The following SLC26A11 variants were observed in gnomAD, a reference collection of about 807,000 sequenced individuals.
SLC26A11 encodes sodium-independent sulfate anion transporter.
SLC26A11 carries 58 observed loss-of-function variants against 62.2 expected under a neutral mutation model. The ratio of observed to expected loss-of-function variants is 0.93; its 90% CI spans 0.76 to 1.16. SLC26A11 has a LOEUF of 1.16. SLC26A11 is among the 50% of genes most tolerant of loss of function. SLC26A11 has a pLI of 0.00. For synonymous variants in SLC26A11, 411 were observed against 368.9 expected (o/e 1.11, Z -1.31); for missense variants, 790 against 794.3 (o/e 0.99, Z 0.06).
chr17:80,236,324 C>T (rs1293797253), intron 7 of SLC26A11, among the ~76,000 whole-genome samples: 2 of 152,216 alleles, frequency 1.3e-5, no homozygotes, highest in Admixed American at 1.3e-4. Context: ...TGTGACCTTG[C>T]GGTCAGCTCC....
intron 16 of SLC26A11, 25 bp downstream of exon 16, chr17:80,249,312 G>T: frequency 6.2e-7 from 1 of 1,605,372 alleles, no homozygotes. Flanking sequence ...GGCTGCCTTA[G>T]GGGTTAGCAG....
At position 80,249,268 on chromosome 17, in the gene SLC26A11, T is replaced by A. The variant is rs1288279274; in HGVS notation, c.1637T>A (p.Leu546Gln). 6.2e-7 allele frequency: 1 copy of A among 1,610,722 alleles called. No homozygotes were observed. Among genetic ancestry groups the A allele is most frequent in the South Asian group, 1.1e-5 (1 of 91,030 alleles). The change falls in exon 16 of 18, where the codon CTG becomes CAG. Residue 546 changes from leucine to glutamine, a missense_variant. By Grantham distance (113) the Leu-to-Gln change is moderately radical. Transcript: ENST00000361193. ...LQDFQKQGVA[L>Q]AFVGLQVPVL... Reference sequence around the variant, plus strand: ...GACTTCCAGAAGCAGGGCGTCGCCCTGGCCTTTGTGGGCCTGCAGGTGGGT... The same window carrying A: ...GACTTCCAGAAGCAGGGCGTCGCCCAGGCCTTTGTGGGCCTGCAGGTGGGT...
In SLC26A11 at chr17:80,228,596, C is replaced by G. The variant is rs138469401; in HGVS notation, c.736+636C>G. On this transcript the variant is annotated intron_variant, in intron 7 of 17. Transcript: ENST00000361193. This position sits in a 1 kb window ranked among gnomAD's most constrained non-coding sequence, Gnocchi z 4.1. ...GGGAAACATTTTTGGTGGATACCAC[C>G]GGGCGAGGCAGTTGCTGGCAACTAG... is the stretch of plus-strand genomic sequence containing the variant. Among the ~76,000 whole-genome samples the G allele has an allele frequency of 2.0e-5, 3 of 152,214 alleles. No individual in the cohort carries two copies. Among genetic ancestry groups the G allele is most frequent in the Non-Finnish European group, 4.4e-5 (3 of 68,042 alleles).
At chr17:80,238,827 G>GTTTT (rs1197738028) in intron 9 of SLC26A11, among the ~76,000 whole-genome samples, 2 of 130,870 alleles carry the variant, frequency 1.5e-5, no homozygotes, top group African/African-American at 6.3e-5. Flanking sequence ...TTTGTTTTTT[G>GTTTT]TTTTTTTTTT....
chr17:80,251,296 C>T lies in SLC26A11; in HGVS notation c.1657-33C>T, dbSNP rs184569060. On this transcript the variant is annotated intron_variant, in intron 16 of 17. Transcript: ENST00000361193. Reference sequence around the variant, plus strand: ...CGACCCGTGTGCTACAGAGGAACATCCCTGCCCTGGCTAAAGTCTGTCTGT... The same window carrying T: ...CGACCCGTGTGCTACAGAGGAACATTCCTGCCCTGGCTAAAGTCTGTCTGT... 10 of 1,613,924 alleles carry T rather than the reference C, an allele frequency of 6.2e-6. No individual in the cohort carries two copies. The East Asian group carries it at 2.2e-4, about 36-fold the overall frequency.
At chr17:80,251,209 T>C (rs1271079192) in intron 16 of SLC26A11, 120 bp from the exon 17 acceptor site, 2 of 1,590,816 alleles carry the variant, frequency 1.3e-6, no homozygotes, top group African/African-American at 2.7e-5. Context: ...CACCATTCAC[T>C]GGTATGGAGG....
chr17:80,251,465 A>G, intron 17 of SLC26A11, 64 bp downstream of exon 17: 1 of 1,601,590 alleles, frequency 6.2e-7, no homozygotes, highest in Non-Finnish European at 8.5e-7. Context: ...GCTTATTGTA[A>G]AAAATATGGG....
At chr17:80,240,903 G>A (rs1157093366) in intron 9 of SLC26A11, among the ~76,000 whole-genome samples, 2 of 152,150 alleles carry the variant, frequency 1.3e-5, no homozygotes, top group Non-Finnish European at 2.9e-5. Flanking sequence ...TTGAGCTTAG[G>A]AGTTTGAAAC....
chr17:80,228,109 G>A lies in SLC26A11; in HGVS notation c.736+149G>A. ...ATTTAAAACACCACACCAAACTCTG[G>A]GACATGTACTTTTTATTTAATTAAT... On this transcript the variant is annotated intron_variant, in intron 7 of 17. Coordinates refer to ENST00000361193, the MANE Select transcript of SLC26A11 (RefSeq NM_001166347.2). The surrounding 1 kb of genome is among the most constrained non-coding windows in gnomAD (Gnocchi z 4.1). 1.8e-6 allele frequency: 1 copy of A among 561,686 alleles called. No homozygotes were observed. Among genetic ancestry groups the A allele is most frequent in the East Asian group, 2.9e-5 (1 of 34,160 alleles). The allele number at this position is 561,686 out of a possible 1,614,324, so 34.8% of individuals were successfully genotyped here. A position where few individuals can be genotyped will look rare whatever the true frequency, so the allele number is the denominator to read the frequency against.
intron 7 of SLC26A11, 55 bp from the exon 8 acceptor site, chr17:80,236,873 C>T: frequency 6.4e-7 from 1 of 1,560,206 alleles, no homozygotes; most frequent in Non-Finnish European, 8.7e-7. Context: ...GGCAGCCGCG[C>T]TACCCCACAC....
Position 80,223,167 on chromosome 17 carries a change from C to T in SLC26A11, c.428-85C>T, listed in dbSNP as rs771165400. The T allele has an allele frequency of 1.5e-6, 2 of 1,291,750 alleles. No homozygotes were observed. The highest frequency in any genetic ancestry group is 2.4e-5 in the South Asian group (2 of 81,722). 80.0% of individuals were successfully genotyped at this position (1,291,750 alleles called of 1,614,324 possible). ...ATCTGCTCCCCAATCCCACCCATTG[C>T]CACCTTCCCCAGCTCACATCTCCCC... On this transcript the variant is annotated intron_variant, in intron 4 of 17. Coordinates refer to ENST00000361193, the MANE Select transcript of SLC26A11 (RefSeq NM_001166347.2). This position sits in a 1 kb window ranked among gnomAD's most constrained non-coding sequence, Gnocchi z 4.6.
At chr17:80,235,474 AG>A (rs2144920215) in intron 7 of SLC26A11, among the ~76,000 whole-genome samples, 1 of 152,194 alleles carries the variant, frequency 6.6e-6, no homozygotes, top group African/African-American at 2.4e-5. Context: ...ATCTCACCTC[AG>A]CCCCCCAAGT....
intron 16 of SLC26A11, 110 bp from the exon 17 acceptor site, chr17:80,251,219 G>T (rs936077934): frequency 8.7e-6 from 14 of 1,605,938 alleles, no homozygotes; most frequent in Non-Finnish European, 1.2e-5. Flanking sequence ...TGGTATGGAG[G>T]TGAAGCCATA....
intron 7 of SLC26A11, among the ~76,000 whole-genome samples, chr17:80,232,882 G>A (rs2042598464): frequency 6.6e-6 from 1 of 152,046 alleles, no homozygotes; most frequent in Non-Finnish European, 1.5e-5. Flanking sequence ...CTAAGTGACT[G>A]CTTTAAGGTT....
Position 80,237,010 on chromosome 17 carries a change from A to G in SLC26A11, c.819A>G (p.Thr273=), listed in dbSNP as rs2042712077. The change falls in exon 8 of 18, where the codon ACA becomes ACG. Residue 273 remains threonine (T), a synonymous_variant. Transcript: ENST00000361193. ...EVTGYQPFIL[T]GETAEGLPPV... is the part of the protein sequence containing the mutation. ...CTGGATACCAGCCTTTCATCCTAAC[A>G]GGGGAGACAGCTGAGGGGCTCCCTC... 1 of 1,613,412 alleles carries G rather than the reference A, an allele frequency of 6.2e-7. No individual in the cohort carries two copies. The highest frequency in any genetic ancestry group is 1.7e-5 in the Admixed American group (1 of 59,998).
In SLC26A11 at chr17:80,248,185, G is replaced by C. The variant is rs750980417; in HGVS notation, c.1350G>C (p.Gln450His). 2 of 1,608,674 alleles carry C rather than the reference G, an allele frequency of 1.2e-6. No homozygotes were observed. Among genetic ancestry groups the C allele is most frequent in the Non-Finnish European group, 1.7e-6 (2 of 1,179,852 alleles). Residue 450 changes from glutamine to histidine, a missense_variant, in exon 14 of 18, where the codon CAG becomes CAC. Coordinates refer to ENST00000361193, the MANE Select transcript of SLC26A11 (RefSeq NM_001166347.2). Reference protein sequence around the residue: ...VTFLLCFWEVQYGILAGALVS... With the variant: ...VTFLLCFWEVHYGILAGALVS... ...TCCTGCTGTGCTTCTGGGAGGTGCA[G>C]TACGGCATCCTGGCCGGGGCCCTGG...
intron 6 of SLC26A11, 143 bp from the exon 7 acceptor site, chr17:80,227,675 C>A: frequency 9.0e-7 from 1 of 1,109,570 alleles, no homozygotes; most frequent in Non-Finnish European, 1.3e-6. Context: ...GTGATACTCA[C>A]TGTGGTCTGG....
At chr17:80,248,454 C>A in intron 14 of SLC26A11, 121 bp from the exon 15 acceptor site, 2 of 1,269,610 alleles carry the variant, frequency 1.6e-6, no homozygotes, top group Non-Finnish European at 1.1e-6. Flanking sequence ...CTCCCCTTAG[C>A]ACCCCTCTCC....
chr17:80,224,582 A>G (rs2042352797), intron 5 of SLC26A11, among the ~76,000 whole-genome samples: 1 of 152,076 alleles, frequency 6.6e-6, no homozygotes, highest in Non-Finnish European at 1.5e-5. Context: ...ATTTATCATT[A>G]TTTCCATTTG....
Sources: allele counts gnomAD v4.1 joint callset (sites outside exome capture counted in the v4.1 genomes callset), GRCh38; gene constraint gnomAD v4.1.1; non-coding constraint Gnocchi (gnomAD v3.1); transcripts MANE v1.5; gene names NCBI Gene and HGNC (gene_info 2026-07-23, HGNC 2026-07-21).